Variants in ERC1 observed in about 807,000 individuals in gnomAD.
The protein encoded by ERC1 is RAB6 interacting protein 2.
A neutral mutation model predicts 132.0 loss-of-function variants in ERC1; 56 were observed. The ratio of observed to expected loss-of-function variants is 0.42; its 90% confidence interval spans 0.34 to 0.53. The LOEUF (loss-of-function observed/expected upper bound fraction) is 0.53. Among genes scored for constraint, ERC1 ranks in the 20% least tolerant of loss-of-function variants. ERC1 has a pLI of 0.03. For synonymous variants in ERC1, 478 were observed against 476.1 expected (o/e 1.00, Z -0.05); for missense variants, 1,202 against 1,349.9 (o/e 0.89, Z 1.72).
chr12:1,013,267 C>A (rs1964986467), intron 1 of ERC1, among the ~76,000 whole-genome samples: 1 of 152,100 alleles, frequency 6.6e-6, no homozygotes, highest in African/African-American at 2.4e-5. Flanking sequence ...ATTGCTGTTA[C>A]AACTGGAGAA....
intron 3 of ERC1, among the ~76,000 whole-genome samples, chr12:1,092,674 T>C (rs745497379): frequency 6.6e-4 from 100 of 152,240 alleles, no homozygotes; most frequent in Non-Finnish European, 1.2e-3. Flanking sequence ...TAAGTAAAAA[T>C]TCTAGGGCGG....
chr12:1,300,550 A>G (rs2080308240), intron 15 of ERC1, among the ~76,000 whole-genome samples: 4 of 152,188 alleles, frequency 2.6e-5, no homozygotes, highest in African/African-American at 9.7e-5. Context: ...AATTTTTCCA[A>G]ATTGTGTGAC....
At chr12:1,338,840 CTGTG>C (rs1255045287) in intron 15 of ERC1, among the ~76,000 whole-genome samples, 2 of 152,148 alleles carry the variant, frequency 1.3e-5, no homozygotes, top group Non-Finnish European at 2.9e-5. Context: ...ATCTTCTAGA[CTGTG>C]TGCTCTAACT....
chr12:1,012,480 T>A (rs2154139732), intron 1 of ERC1, among the ~76,000 whole-genome samples: 1 of 149,348 alleles, frequency 6.7e-6, no homozygotes, highest in African/African-American at 2.5e-5. Flanking sequence ...TCTTTTTTTT[T>A]TTTTTTTTTT....
chr12:1,232,260 T>C (rs2075101032), intron 12 of ERC1, among the ~76,000 whole-genome samples: 1 of 152,216 alleles, frequency 6.6e-6, no homozygotes. Context: ...GCCTTTGATT[T>C]TTCAGAATTC....
In ERC1 at chr12:1,263,061, A is replaced by G. The variant is rs761957834; in HGVS notation, c.2515A>G (p.Ile839Val). The G allele has an allele frequency of 1.2e-6, 2 of 1,614,076 alleles. No homozygotes were observed. Among genetic ancestry groups the G allele is most frequent in the East Asian group, 2.2e-5 (1 of 44,872 alleles). The change falls in exon 14 of 19, where the codon ATT becomes GTT. Residue 839 changes from isoleucine to valine, a missense_variant. Physicochemically the swap from Ile to Val is conservative, Grantham distance 29. Coordinates refer to ENST00000360905, the MANE Select transcript of ERC1 (RefSeq NM_178040.4). ...QDSLRKKDDR[I>V]EELEEALRES... is the part of the protein sequence containing the mutation. ...CAGTCTCCGTAAGAAGGATGACAGG[A>G]TTGAAGAGCTGGAAGAAGCACTAAG...
chr12:1,014,202 G>A (rs144244635), intron 1 of ERC1, among the ~76,000 whole-genome samples: 251 of 152,124 alleles, frequency 1.6e-3, no homozygotes, highest in African/African-American at 5.8e-3. Flanking sequence ...TTGAGACAGG[G>A]TTTCACTCTG....
At chr12:1,245,669 CTG>C (rs1286546146) in intron 13 of ERC1, among the ~76,000 whole-genome samples, 1 of 152,174 alleles carries the variant, frequency 6.6e-6, no homozygotes, top group Non-Finnish European at 1.5e-5. Context: ...GGATTAAACA[CTG>C]TCTTACATGT....
chr12:1,441,252 G>T (rs1368436552), intron 17 of ERC1, among the ~76,000 whole-genome samples: 1 of 151,142 alleles, frequency 6.6e-6, no homozygotes. Flanking sequence ...GTAGAGATGG[G>T]GTTTCACCGT....
chr12:1,127,918 A>C (rs1166791896), intron 7 of ERC1, among the ~76,000 whole-genome samples: 2 of 152,130 alleles, frequency 1.3e-5, no homozygotes, highest in African/African-American at 4.8e-5. Flanking sequence ...CTCCGCATAA[A>C]TCTAGTACTA....
At chr12:1,369,412 A>G (rs899323404) in intron 15 of ERC1, among the ~76,000 whole-genome samples, 3 of 152,212 alleles carry the variant, frequency 2.0e-5, no homozygotes, top group African/African-American at 4.8e-5. Context: ...TCGCCTTTGT[A>G]TTTTGCATTC....
chr12:1,264,205 T>G (rs1245013231), intron 14 of ERC1, among the ~76,000 whole-genome samples: 1 of 152,212 alleles, frequency 6.6e-6, no homozygotes, highest in Non-Finnish European at 1.5e-5. Flanking sequence ...TGGCAGTTTG[T>G]GATGCTTGTT....
intron 17 of ERC1, among the ~76,000 whole-genome samples, chr12:1,441,366 T>C (rs531452695): frequency 1.3e-5 from 2 of 152,168 alleles, no homozygotes; most frequent in Non-Finnish European, 2.9e-5. Context: ...CGGCTGAAAT[T>C]GATTGTTTAT....
intron 1 of ERC1, among the ~76,000 whole-genome samples, chr12:992,812 A>G (rs969232511): frequency 3.2e-4 from 48 of 152,234 alleles, no homozygotes; most frequent in African/African-American, 1.0e-3. Flanking sequence ...CCCATGATGG[A>G]CATGTATTAT....
intron 18 of ERC1, among the ~76,000 whole-genome samples, chr12:1,476,491 A>T (rs1417200851): frequency 6.6e-6 from 1 of 152,102 alleles, no homozygotes; most frequent in Non-Finnish European, 1.5e-5. Flanking sequence ...TTAATAGGAA[A>T]CTCACAGAAG....
At chr12:1,358,216 CA>C (rs546951526) in intron 15 of ERC1, among the ~76,000 whole-genome samples, 126 of 61,668 alleles carry the variant, frequency 2.0e-3, no homozygotes, top group African/African-American at 3.0e-3. Flanking sequence ...CTTGTCTGTT[CA>C]AAAAAAAAAA....
intron 13 of ERC1, among the ~76,000 whole-genome samples, chr12:1,250,537 A>G (rs1158875302): frequency 1.3e-5 from 2 of 152,070 alleles, no homozygotes; most frequent in Non-Finnish European, 2.9e-5. Context: ...AGCTGTACTT[A>G]TTGAGTTATA....
At position 1,227,470 on chromosome 12, in the gene ERC1, G is replaced by A. The variant is rs149856302; in HGVS notation, c.2352-9299G>A. Among the ~76,000 whole-genome samples the A allele has an allele frequency of 9.7e-3, 1,475 of 152,236 alleles. 28 individuals carry two copies. Among genetic ancestry groups the A allele is most frequent in the African/African-American group, 0.033 (1,363 of 41,536 alleles). On this transcript the variant is annotated intron_variant, in intron 12 of 18. Coordinates refer to ENST00000360905, the MANE Select transcript of ERC1 (RefSeq NM_178040.4). ...ATTTGGCCATTTAAAGTCTTCTTTC[G>A]AGAAATGTCTATTCAGATCCTTTGC...
intron 1 of ERC1, among the ~76,000 whole-genome samples, chr12:1,001,528 T>C (rs765208362): frequency 2.0e-5 from 3 of 152,188 alleles, no homozygotes; most frequent in Non-Finnish European, 4.4e-5. Flanking sequence ...ACCCAGTCCT[T>C]CTCTCATAAA....
Sources: gnomAD v4.1 joint callset for allele counts (sites outside exome capture counted in the v4.1 genomes callset) on GRCh38, gnomAD v4.1.1 for gene constraint, MANE v1.5 for transcripts, NCBI Gene and HGNC (gene_info 2026-07-23, HGNC 2026-07-21) for gene names.